The following NET1 variants were observed in gnomAD, a reference collection of about 807,000 sequenced individuals.
The protein encoded by NET1 is neuroepithelial cell-transforming gene 1 protein.
NET1 carries 42 observed loss-of-function variants against 61.1 expected under a neutral mutation model. The ratio of observed to expected loss-of-function variants is 0.69; its 90% confidence interval spans 0.54 to 0.89. The LOEUF (loss-of-function observed/expected upper bound fraction) is 0.89, where lower values mean the gene tolerates loss of function less well. Among genes scored for constraint, NET1 ranks in the 40% least tolerant of loss-of-function variants. The pLI is 0.00. For synonymous variants in NET1, 254 were observed against 281.8 expected, an observed-to-expected ratio of 0.90 and a Z score of 0.99; for missense variants, 654 against 747.3, an observed-to-expected ratio of 0.88 and a Z score of 1.46.
chr10:5,429,013 C>T (rs1021964839), intron 2 of NET1, among the ~76,000 whole-genome samples, 157 bp from the exon 3 acceptor site: 4 of 151,870 alleles, frequency 2.6e-5, no homozygotes, highest in South Asian at 2.1e-4. Context: ...AAATTACAGA[C>T]GTGAGCCACC....
Position 5,447,418 on chromosome 10 carries a change from T to A in NET1, c.256-4412T>A, listed in dbSNP as rs191709734. The stretch of plus-strand genomic sequence containing the variant: ...TGTCTGAGTCTTTTTTTAGTCTTTA[T>A]GAACATTTATCAATATAAATCAAAT... On this transcript the variant is annotated intron_variant, in intron 3 of 11. Coordinates refer to ENST00000355029, the MANE Select transcript of NET1 (RefSeq NM_001047160.3). This position sits in a 1 kb window ranked among gnomAD's most constrained non-coding sequence, Gnocchi z 4.1. 6.6e-6 allele frequency among the ~76,000 whole-genome samples: 1 copy of A among 152,348 alleles called. No individual in the cohort carries two copies. Among genetic ancestry groups the A allele is most frequent in the Admixed American group, 6.5e-5 (1 of 15,306 alleles).
rs1832219006 is a variant in NET1, at chr10:5,423,868, G to A, written c.129-2787G>A. 6.6e-6 allele frequency among the ~76,000 whole-genome samples: 1 copy of A among 151,998 alleles called. No homozygotes were observed. The highest frequency in any genetic ancestry group is 1.5e-5 in the Non-Finnish European group (1 of 67,980). Reference sequence around the variant, plus strand: ...TTGGCACTGTCTCACATCCTTTGTGGGCACGGTTTGTTTTTTGGGTTCCTT... The same window carrying A: ...TTGGCACTGTCTCACATCCTTTGTGAGCACGGTTTGTTTTTTGGGTTCCTT... On this transcript the variant is annotated intron_variant, in intron 1 of 11. Coordinates refer to ENST00000355029, the MANE Select transcript of NET1 (RefSeq NM_001047160.3). This position sits in a 1 kb window ranked among gnomAD's most constrained non-coding sequence, Gnocchi z 4.4.
At chr10:5,436,250 T>TATATATA (rs1564462840) in intron 3 of NET1, among the ~76,000 whole-genome samples, 5 of 8,552 alleles carry the variant, frequency 5.8e-4, no homozygotes, top group Non-Finnish European at 4.7e-4. Context: ...ATATATATAT[T>TATATATA]TTTTTTTTTT....
In NET1 at chr10:5,441,744, G is replaced by T. The variant is rs1832527366; in HGVS notation, c.256-10086G>T. On this transcript the variant is annotated intron_variant, in intron 3 of 11. Coordinates refer to ENST00000355029, the MANE Select transcript of NET1 (RefSeq NM_001047160.3). This position sits in a 1 kb window ranked among gnomAD's most constrained non-coding sequence, Gnocchi z 4.6. ...CCAAATTCTTAGTACTAAACTTGGA[G>T]ATTCAAATCACATATAACTTCATTA... Among the ~76,000 whole-genome samples, 1 of 152,266 alleles carries T rather than the reference G, an allele frequency of 6.6e-6. No homozygotes were observed. The highest frequency in any genetic ancestry group is 2.4e-5 in the African/African-American group (1 of 41,544).
At chr10:5,434,515 G>A (rs1832395867) in intron 3 of NET1, among the ~76,000 whole-genome samples, 1 of 152,090 alleles carries the variant, frequency 6.6e-6, no homozygotes, top group East Asian at 1.9e-4. Flanking sequence ...CTTCAGGGGA[G>A]GTTGAAGGGA....
rs1393954599 is a variant in NET1, at chr10:5,416,291, CGTT to C, written c.128+3473_128+3475del. On this transcript the variant is annotated intron_variant, in intron 1 of 11. Coordinates refer to ENST00000355029, the MANE Select transcript of NET1 (RefSeq NM_001047160.3). The surrounding 1 kb of genome is among the most constrained non-coding windows in gnomAD (Gnocchi z 6.1). The stretch of plus-strand genomic sequence containing the variant: ...GCCATTACCATGGTGTTTTGATTAC[CGTT>C]GCTTTGTATAGTAAGTTTTGAAATT... 6.6e-6 allele frequency among the ~76,000 whole-genome samples: 1 copy of C among 152,056 alleles called. No homozygotes were observed. Among genetic ancestry groups the C allele is most frequent in the Admixed American group, 6.5e-5 (1 of 15,276 alleles).
rs1027293774 is a variant in NET1, at chr10:5,447,187, G to A, written c.256-4643G>A. On this transcript the variant is annotated intron_variant, in intron 3 of 11. Coordinates refer to ENST00000355029, the MANE Select transcript of NET1 (RefSeq NM_001047160.3). This position sits in a 1 kb window ranked among gnomAD's most constrained non-coding sequence, Gnocchi z 4.1. ...CTTGAATTGATATCATCCAGTCTTA[G>A]AAACTACCTTAATGGAGCAAGAGGA... Among the ~76,000 whole-genome samples, 1 of 152,158 alleles carries A rather than the reference G, an allele frequency of 6.6e-6. No homozygotes were observed. Among genetic ancestry groups the A allele is most frequent in the African/African-American group, 2.4e-5 (1 of 41,440 alleles).
rs113408857 is a variant in NET1 at position 5,454,676 on chromosome 10, A to G, written c.1026+154A>G. Among the ~76,000 whole-genome samples, 10 of 152,360 alleles carry G rather than the reference A, an allele frequency of 6.6e-5. No homozygotes were observed. In the South Asian group the frequency reaches 1.0e-3, roughly 16 times the overall value. On this transcript the variant is annotated intron_variant, in intron 9 of 11. Coordinates refer to ENST00000355029, the MANE Select transcript of NET1 (RefSeq NM_001047160.3). The surrounding 1 kb of genome is among the most constrained non-coding windows in gnomAD (Gnocchi z 8.1). Reference sequence around the variant, plus strand: ...GCGTTAGTACGCTGTGCACTAAGCAATAAGGAGCTGTGTATGCTGGACTTC... The same window carrying G: ...GCGTTAGTACGCTGTGCACTAAGCAGTAAGGAGCTGTGTATGCTGGACTTC...
intron 1 of NET1, among the ~76,000 whole-genome samples, chr10:5,425,052 CG>C (rs1357309717): frequency 6.6e-6 from 1 of 152,182 alleles, no homozygotes; most frequent in Non-Finnish European, 1.5e-5. Context: ...TGCTTTAGCC[CG>C]TCCTTATTTC....
In NET1 at chr10:5,456,160, A is replaced by G; in HGVS notation, c.1271A>G (p.Tyr424Cys). The G allele has an allele frequency of 1.2e-6, 2 of 1,614,172 alleles. No individual in the cohort carries two copies. The highest frequency in any genetic ancestry group is 1.1e-5 in the South Asian group (1 of 91,084). ...RPVTRNERHS[Y>C]QVYRQPIPVQ... is the part of the protein sequence containing the mutation. ...GTCACACGGAACGAACGGCACTCTT[A>G]CCAGGTTTACCGGCAGCCAATCCCA... Residue 424 changes from tyrosine to cysteine, a missense_variant, in exon 11 of 12, where the codon TAC (tyrosine) becomes TGC (cysteine). By Grantham distance (194) the Tyr-to-Cys change is radical. Transcript: ENST00000355029. The surrounding 1 kb of genome is among the most constrained non-coding windows in gnomAD (Gnocchi z 7.0).
Position 5,453,459 on chromosome 10 carries a change from TG to T in NET1, c.692-24del. 6.2e-7 allele frequency: 1 copy of T among 1,610,442 alleles called. No homozygotes were observed. The highest frequency in any genetic ancestry group is 8.5e-7 in the Non-Finnish European group (1 of 1,176,604). ...ATTTTTTAAATAAACCTGTTAATGG[TG>T]TTTATGCTTTTTTATCACTTCAGAT... On this transcript the variant is annotated intron_variant, in intron 7 of 11. Coordinates refer to ENST00000355029, the MANE Select transcript of NET1 (RefSeq NM_001047160.3). The surrounding 1 kb of genome is among the most constrained non-coding windows in gnomAD (Gnocchi z 4.9).
intron 1 of NET1, among the ~76,000 whole-genome samples, chr10:5,419,117 C>T (rs1465615735): frequency 6.6e-6 from 1 of 152,154 alleles, no homozygotes; most frequent in Non-Finnish European, 1.5e-5. Context: ...ATCTGTTTAT[C>T]ACTATAAAAT....
At position 5,426,532 on chromosome 10, in the gene NET1, A is replaced by G; in HGVS notation, c.129-123A>G. ...ACCATCTCTCATATTACTAAGATTG[A>G]ATGACAAATCAGGCCACTTTAAACG... On this transcript the variant is annotated intron_variant, in intron 1 of 11. Coordinates refer to ENST00000355029, the MANE Select transcript of NET1 (RefSeq NM_001047160.3). This position sits in a 1 kb window ranked among gnomAD's most constrained non-coding sequence, Gnocchi z 4.6. 1.6e-6 allele frequency: 1 copy of G among 639,650 alleles called. No individual in the cohort carries two copies. Among genetic ancestry groups the G allele is most frequent in the East Asian group, 2.9e-5 (1 of 34,012 alleles). 39.6% of individuals were successfully genotyped at this position (639,650 alleles called of 1,614,324 possible). A position where few individuals can be genotyped will look rare whatever the true frequency, so the allele number is the denominator to read the frequency against.
At chr10:5,418,229 G>T (rs1832112966) in intron 1 of NET1, among the ~76,000 whole-genome samples, 1 of 151,710 alleles carries the variant, frequency 6.6e-6, no homozygotes, top group Non-Finnish European at 1.5e-5. Flanking sequence ...TGAAGAATTG[G>T]TATTCTTTCA....
chr10:5,437,972 G>A lies in NET1; in HGVS notation c.255+8743G>A, dbSNP rs1357945496. Among the ~76,000 whole-genome samples the A allele has an allele frequency of 6.6e-6, 1 of 152,084 alleles. No individual in the cohort carries two copies. The highest frequency in any genetic ancestry group is 1.5e-5 in the Non-Finnish European group (1 of 68,012). On this transcript the variant is annotated intron_variant, in intron 3 of 11. Coordinates refer to ENST00000355029, the MANE Select transcript of NET1 (RefSeq NM_001047160.3). The surrounding 1 kb of genome is among the most constrained non-coding windows in gnomAD (Gnocchi z 4.3). ...GGAAATCTAAAAAATTTATAAGTAT[G>A]TGGAAATTAAACAACACATTATTAA...
chr10:5,456,588 C>A lies in NET1; in HGVS notation c.1385C>A (p.Ala462Asp). The A allele has an allele frequency of 6.7e-7, 1 of 1,499,636 alleles. No homozygotes were observed. Among genetic ancestry groups the A allele is most frequent in the Non-Finnish European group, 8.9e-7 (1 of 1,124,850 alleles). The allele number at this position is 1,499,636 out of a possible 1,614,324, so 92.9% of individuals were successfully genotyped here. A position where few individuals can be genotyped will look rare whatever the true frequency, so the allele number is the denominator to read the frequency against. ...TTTTTTTTCCAATTTTTTTTTTCAG[C>A]TAAAAATATCTTTAGAATTCGCTTC... The part of the protein sequence containing the change: ...FRGAFSNSEK[A>D]KNIFRIRFHD... The change falls in exon 12 of 12, where the codon GCT becomes GAT. Residue 462 changes from alanine (A) to aspartate (D), a missense_variant and splice_region_variant. Transcript: ENST00000355029. The surrounding 1 kb of genome is among the most constrained non-coding windows in gnomAD (Gnocchi z 7.0).
Position 5,422,469 on chromosome 10 carries a change from G to A in NET1, c.129-4186G>A, listed in dbSNP as rs1415286590. On this transcript the variant is annotated intron_variant, in intron 1 of 11. Transcript: ENST00000355029. This position sits in a 1 kb window ranked among gnomAD's most constrained non-coding sequence, Gnocchi z 4.1. ...GGAATTGCCACACTGTTTCCAAAGA[G>A]TACTGGATTGTTAATGATGGAAGCC... is the stretch of plus-strand genomic sequence containing the variant. Among the ~76,000 whole-genome samples, 1 of 152,166 alleles carries A rather than the reference G, an allele frequency of 6.6e-6. No individual in the cohort carries two copies. Among genetic ancestry groups the A allele is most frequent in the Non-Finnish European group, 1.5e-5 (1 of 68,034 alleles).
chr10:5,437,350 ATTCT>A lies in NET1; in HGVS notation c.255+8123_255+8126del. ...TGGTACATATAAAGCAGGCTCCCTA[ATTCT>A]TCTTGGTTGCTGTATTGTATTCCAT... On this transcript the variant is annotated intron_variant, in intron 3 of 11. Transcript: ENST00000355029. The surrounding 1 kb of genome is among the most constrained non-coding windows in gnomAD (Gnocchi z 4.3). 6.6e-6 allele frequency among the ~76,000 whole-genome samples: 1 copy of A among 152,150 alleles called. No individual in the cohort carries two copies. Among genetic ancestry groups the A allele is most frequent in the Non-Finnish European group, 1.5e-5 (1 of 67,992 alleles).
chr10:5,412,837 G>T lies in NET1; in HGVS notation c.128+17G>T. On this transcript the variant is annotated intron_variant, in intron 1 of 11. Transcript: ENST00000355029. This position sits in a 1 kb window ranked among gnomAD's most constrained non-coding sequence, Gnocchi z 6.5. ...GGACGGGAGGTGAGTGTGGGGGAGGGGAGGGCCGAACGGGAGGTGAGTGTA... is the reference window on the plus strand; with the variant it reads ...GGACGGGAGGTGAGTGTGGGGGAGGTGAGGGCCGAACGGGAGGTGAGTGTA... 7.4e-7 allele frequency: 1 copy of T among 1,354,152 alleles called. No homozygotes were observed. Among genetic ancestry groups the T allele is most frequent in the Non-Finnish European group, 9.6e-7 (1 of 1,045,696 alleles). The allele number at this position is 1,354,152 out of a possible 1,614,324, so 83.9% of individuals were successfully genotyped here.
Sources: gnomAD v4.1 joint callset for allele counts (sites outside exome capture counted in the v4.1 genomes callset) on GRCh38, gnomAD v4.1.1 for gene constraint, Gnocchi (gnomAD v3.1) non-coding constraint, MANE v1.5 for transcripts, NCBI Gene and HGNC (gene_info 2026-07-23, HGNC 2026-07-21) for gene names.